Variants in CRIPTO observed in about 807,000 individuals in gnomAD.
CRIPTO encodes the protein cripto, EGF-CFC family member.
At chr3:46,577,953 C>T in the CRIPTO span, 6 of 1,613,878 alleles carry the variant, frequency 3.7e-6, no homozygotes, top group African/African-American at 2.7e-5. Flanking sequence ...CTCTTTTCCC[C>T]CTAATTGTTA....
chr3:46,579,606 A>G, the CRIPTO span: 1 of 1,242,410 alleles, frequency 8.0e-7, no homozygotes. Context: ...ATGCATGAAA[A>G]TGACTTCTCT....
At chr3:46,578,780 T>C in the CRIPTO span, among the ~76,000 whole-genome samples, 3 of 152,198 alleles carry the variant, frequency 2.0e-5, no homozygotes, top group African/African-American at 7.2e-5. Flanking sequence ...TTTTAATCCT[T>C]ATATGAAAAT....
At chr3:46,578,486 G>A in the CRIPTO span, among the ~76,000 whole-genome samples, 3 of 152,046 alleles carry the variant, frequency 2.0e-5, no homozygotes, top group Non-Finnish European at 2.9e-5. Flanking sequence ...AGGCAGAGGC[G>A]GGTGGATCAC....
chr3:46,575,814 G>T, the CRIPTO span, among the ~76,000 whole-genome samples: 6 of 152,194 alleles, frequency 3.9e-5, no homozygotes, highest in Non-Finnish European at 8.8e-5. Context: ...TATTGTGGGC[G>T]CTACTTATCT....
chr3:46,580,656 C>T, the CRIPTO span, among the ~76,000 whole-genome samples: 2 of 152,246 alleles, frequency 1.3e-5, no homozygotes, highest in East Asian at 1.9e-4. Flanking sequence ...GGAAAAGAGG[C>T]GACAGTCCTC....
chr3:46,581,316 C>G, the CRIPTO span: 1 of 1,221,806 alleles, frequency 8.2e-7, no homozygotes, highest in Non-Finnish European at 1.2e-6. Flanking sequence ...CCAGTAAAGG[C>G]TGCTGCTACA....
the CRIPTO span, chr3:46,581,005 A>G: frequency 1.4e-6 from 1 of 732,680 alleles, no homozygotes; most frequent in Non-Finnish European, 2.5e-6. Flanking sequence ...CCACTGGGCT[A>G]GGTTCCAGGT....
At chr3:46,578,837 C>T in the CRIPTO span, among the ~76,000 whole-genome samples, 60 of 151,882 alleles carry the variant, frequency 4.0e-4, no homozygotes, top group East Asian at 7.1e-3. Flanking sequence ...AGACATATAC[C>T]TACTTAAAAT....
chr3:46,581,032 G>A, the CRIPTO span: 8 of 859,748 alleles, frequency 9.3e-6, no homozygotes, highest in Admixed American at 1.3e-4. Flanking sequence ...GTCCTGAGAA[G>A]AGCAGGTTCA....
At chr3:46,574,537 C>T in the CRIPTO span, 2 of 152,296 alleles carry the variant, frequency 1.3e-5, no homozygotes, top group Non-Finnish European at 2.9e-5. Context: ...CCTCTGCTCT[C>T]TCTTATCTTC....
the CRIPTO span, chr3:46,577,693 C>T: frequency 1.9e-6 from 1 of 532,546 alleles, no homozygotes; most frequent in Non-Finnish European, 3.4e-6. Flanking sequence ...AAAGGTCTCC[C>T]CGCCCCGACT....
chr3:46,574,732 G>C, the CRIPTO span: 1 of 152,182 alleles, frequency 6.6e-6, no homozygotes, highest in East Asian at 1.9e-4. Flanking sequence ...ATTGGCTTTT[G>C]ATAGCTAAAA....
the CRIPTO span, chr3:46,581,698 G>C: frequency 2.1e-6 from 1 of 473,190 alleles, no homozygotes; most frequent in Non-Finnish European, 3.7e-6. Flanking sequence ...TTTTAGTAGA[G>C]ATGGGGGTTT....
At chr3:46,579,560 A>T in the CRIPTO span, 5 of 1,193,082 alleles carry the variant, frequency 4.2e-6, no homozygotes, top group Non-Finnish European at 6.1e-6. Flanking sequence ...CCCTGAGTCC[A>T]CTTCACACTG....
the CRIPTO span, among the ~76,000 whole-genome samples, chr3:46,578,921 T>C: frequency 6.6e-6 from 1 of 152,122 alleles, no homozygotes; most frequent in Non-Finnish European, 1.5e-5. Context: ...GGTGACTTTT[T>C]TTCAACATTT....
the CRIPTO span, chr3:46,581,600 C>T: frequency 1.8e-6 from 1 of 564,368 alleles, no homozygotes; most frequent in Non-Finnish European, 3.1e-6. Flanking sequence ...ACCTCCGCAT[C>T]CGGGGTTCAA....
the CRIPTO span, chr3:46,577,452 AG>A: frequency 6.1e-6 from 1 of 164,940 alleles, no homozygotes; most frequent in African/African-American, 2.4e-5. Flanking sequence ...ATACATTTTC[AG>A]GTTTTCCTAA....
the CRIPTO span, among the ~76,000 whole-genome samples, chr3:46,575,038 A>C: frequency 2.6e-5 from 4 of 152,196 alleles, no homozygotes; most frequent in Admixed American, 2.6e-4. Flanking sequence ...GTTGCACAGC[A>C]CTTCCCAATC....
the CRIPTO span, chr3:46,578,041 G>T: frequency 6.2e-7 from 1 of 1,607,512 alleles, no homozygotes; most frequent in Non-Finnish European, 8.5e-7. Context: ...TTTTTTGATT[G>T]CTAGAGATTG....
Sources: allele counts gnomAD v4.1 joint callset (sites outside exome capture counted in the v4.1 genomes callset), GRCh38; gene constraint gnomAD v4.1.1; transcripts MANE v1.5; gene names NCBI Gene and HGNC (gene_info 2026-07-23, HGNC 2026-07-21).